GNG2: variants seen among roughly 807,000 people sequenced by gnomAD.
GNG2 encodes guanine nucleotide-binding protein G(I)/G(S)/G(O) subunit gamma-2.
In GNG2, 5 loss-of-function variants were observed where a neutral mutation model predicts 5.5. The ratio of observed to expected loss-of-function variants is 0.91; its 90% CI spans 0.48 to 1.92. GNG2 has a LOEUF of 1.92. Ranked by LOEUF, GNG2 falls within the 30% of genes most tolerant of loss-of-function variation. GNG2 has a pLI of 0.01. For synonymous variants in GNG2, 28 were observed against 32.0 expected (o/e 0.88, Z 0.42); for missense variants, 55 against 88.4 (o/e 0.62, Z 1.52).
rs1452687883 is a variant in GNG2, at chr14:51,947,284, G to A, written c.-29-3366G>A. Among the ~76,000 whole-genome samples the A allele has an allele frequency of 2.6e-5, 4 of 152,186 alleles. No individual in the cohort carries two copies. The East Asian group carries it at 7.7e-4, about 29-fold the overall frequency. ...ACCTAGAAATACATTATGTCACATG[G>A]CAGAGAAGAATTAAAGTTGCAGATG... On this transcript the variant is annotated intron_variant, in intron 2 of 3. Coordinates refer to ENST00000556766, the MANE Select transcript of GNG2 (RefSeq NM_053064.5).
chr14:51,888,831 C>A (rs780041336), intron 2 of GNG2, among the ~76,000 whole-genome samples: 1 of 152,024 alleles, frequency 6.6e-6, no homozygotes. Flanking sequence ...AAACAAGCAA[C>A]CTGGAGGAAA....
intron 2 of GNG2, among the ~76,000 whole-genome samples, chr14:51,852,401 CA>C (rs1334456528): frequency 3.3e-5 from 5 of 152,128 alleles, no homozygotes; most frequent in African/African-American, 1.2e-4. Flanking sequence ...GAGCACTGTG[CA>C]AGGCACCAGA....
At chr14:51,929,056 A>G (rs984201898) in intron 2 of GNG2, among the ~76,000 whole-genome samples, 1 of 152,224 alleles carries the variant, frequency 6.6e-6, no homozygotes, top group African/African-American at 2.4e-5. Context: ...AATAAGAAGT[A>G]TTTCCCAAGC....
intron 2 of GNG2, among the ~76,000 whole-genome samples, chr14:51,923,035 C>CTAAAA (rs1887107709): frequency 1.3e-5 from 2 of 152,178 alleles, no homozygotes; most frequent in African/African-American, 4.8e-5. Context: ...AAATAACTTT[C>CTAAAA]TTTATGGTTT....
chr14:51,870,663 T>C (rs1883239137), intron 1 of GNG2, among the ~76,000 whole-genome samples: 1 of 152,208 alleles, frequency 6.6e-6, no homozygotes, highest in Non-Finnish European at 1.5e-5. Flanking sequence ...GAATGGATCA[T>C]CTCTGGAATT....
chr14:51,916,194 C>T lies in GNG2; in HGVS notation c.-29-34456C>T, dbSNP rs1364196812. 3 of 231,796 alleles carry T rather than the reference C, an allele frequency of 1.3e-5. No individual in the cohort carries two copies. In the Admixed American group the frequency reaches 1.7e-4, roughly 13 times the overall value. 14.4% of individuals were successfully genotyped at this position (231,796 alleles called of 1,614,324 possible). A position where few individuals can be genotyped will look rare whatever the true frequency, so the allele number is the denominator to read the frequency against. On this transcript the variant is annotated intron_variant, in intron 2 of 3. Coordinates refer to ENST00000556766, the MANE Select transcript of GNG2 (RefSeq NM_053064.5). ...TCATTTTATTTCTGTGTAAAATTTC[C>T]TTGTGTTGAGTGGTAGCTGATAGTG... is the stretch of plus-strand genomic sequence containing the variant.
At chr14:51,858,635 G>C (rs1191024688), upstream of GNG2, among the ~76,000 whole-genome samples, 1 of 152,166 alleles carries the variant, frequency 6.6e-6, no homozygotes, top group Non-Finnish European at 1.5e-5. Flanking sequence ...CCATAGTCTT[G>C]TTTCCAACCA....
chr14:51,914,225 G>A (rs1886469369), intron 2 of GNG2: 2 of 702,230 alleles, frequency 2.8e-6, no homozygotes, highest in African/African-American at 1.7e-5. Context: ...AAATGACTGT[G>A]CCATTGAATG....
intron 1 of GNG2, among the ~76,000 whole-genome samples, chr14:51,872,911 A>T (rs1002754126): frequency 6.6e-6 from 1 of 152,218 alleles, no homozygotes; most frequent in South Asian, 2.1e-4. Flanking sequence ...ACATGTGGTC[A>T]TGTACCCACA....
chr14:51,950,368 G>T (rs1888899503), intron 2 of GNG2, among the ~76,000 whole-genome samples: 1 of 152,210 alleles, frequency 6.6e-6, no homozygotes, highest in African/African-American at 2.4e-5. Flanking sequence ...TAACCAGAAG[G>T]ATGGGGTTTG....
At chr14:51,948,632 G>A (rs1888780538) in intron 2 of GNG2, among the ~76,000 whole-genome samples, 1 of 152,160 alleles carries the variant, frequency 6.6e-6, no homozygotes. Context: ...TTCCCTGTGA[G>A]GCTGCGATGA....
intron 2 of GNG2, among the ~76,000 whole-genome samples, chr14:51,940,689 A>G (rs1888266294): frequency 6.6e-6 from 1 of 152,190 alleles, no homozygotes; most frequent in African/African-American, 2.4e-5. Context: ...GAAAAGCAGT[A>G]AGTGTCCCAA....
chr14:51,913,963 A>C, intron 2 of GNG2: 1 of 481,922 alleles, frequency 2.1e-6, no homozygotes, highest in Non-Finnish European at 3.7e-6. Flanking sequence ...TTCATTTCAT[A>C]TATATGAAAA....
At chr14:51,853,808 G>A (rs1882022426) in intron 2 of GNG2, among the ~76,000 whole-genome samples, 1 of 151,734 alleles carries the variant, frequency 6.6e-6, no homozygotes, top group Non-Finnish European at 1.5e-5. Context: ...GGTGCACAGT[G>A]TTCTCTAACC....
upstream of GNG2, among the ~76,000 whole-genome samples, chr14:51,857,865 G>C (rs1400967229): frequency 6.6e-6 from 1 of 152,176 alleles, no homozygotes; most frequent in Non-Finnish European, 1.5e-5. Flanking sequence ...TGAAGGTATA[G>C]TACATAATTT....
intron 2 of GNG2, among the ~76,000 whole-genome samples, chr14:51,908,735 A>C (rs1886111226): frequency 2.2e-5 from 1 of 45,856 alleles, no homozygotes; most frequent in Admixed American, 2.5e-4. Flanking sequence ...ACACCCAGCT[A>C]ATTTTTTTTT....
intron 2 of GNG2, among the ~76,000 whole-genome samples, chr14:51,908,161 C>T (rs1417703610): frequency 6.6e-6 from 1 of 152,188 alleles, no homozygotes; most frequent in Non-Finnish European, 1.5e-5. Flanking sequence ...TGGTTCTAAG[C>T]TCATTCATAT....
intron 3 of GNG2, among the ~76,000 whole-genome samples, chr14:51,954,024 G>T (rs1323878675): frequency 6.6e-6 from 1 of 152,102 alleles, no homozygotes; most frequent in South Asian, 2.1e-4. Flanking sequence ...AGTTGTTGAG[G>T]GTCCCTTAAG....
chr14:51,874,198 G>A (rs1193164481), intron 1 of GNG2: 1 of 152,194 alleles, frequency 6.6e-6, no homozygotes, highest in Admixed American at 6.6e-5. Flanking sequence ...AGGCTGAGGT[G>A]GGGCGGATCA....
Sources: gnomAD v4.1 joint callset for allele counts (sites outside exome capture counted in the v4.1 genomes callset) on GRCh38, gnomAD v4.1.1 for gene constraint, MANE v1.5 for transcripts, NCBI Gene and HGNC (gene_info 2026-07-23, HGNC 2026-07-21) for gene names.